The following CCDC148 variants were observed in gnomAD, a reference collection of about 807,000 sequenced individuals.
CCDC148 encodes the protein coiled-coil domain containing 148.
In CCDC148, 89 loss-of-function variants were observed where a neutral mutation model predicts 85.7. That is an observed-to-expected ratio of 1.04 (90% CI 0.87 to 1.24). The LOEUF is 1.24. Ranked by LOEUF, CCDC148 falls within the 50% of genes most tolerant of loss-of-function variation. The pLI is 0.00. For synonymous variants in CCDC148, 230 were observed against 213.9 expected, an observed-to-expected ratio of 1.08 and a Z score of -0.66; for missense variants, 692 against 671.7, an observed-to-expected ratio of 1.03 and a Z score of -0.33.
intron 9 of CCDC148, among the ~76,000 whole-genome samples, chr2:158,303,116 A>G (rs1443047661): frequency 1.3e-5 from 2 of 152,194 alleles, no homozygotes; most frequent in Non-Finnish European, 1.5e-5. Flanking sequence ...TAAAAGACAC[A>G]AATCATCTAA....
chr2:158,226,772 C>A (rs1291876739), intron 10 of CCDC148, among the ~76,000 whole-genome samples: 1 of 152,114 alleles, frequency 6.6e-6, no homozygotes, highest in Non-Finnish European at 1.5e-5. Context: ...ATGCTAAAAA[C>A]TCTCAATAAA....
At chr2:158,427,112 T>C (rs1687113565) in intron 1 of CCDC148, among the ~76,000 whole-genome samples, 1 of 152,204 alleles carries the variant, frequency 6.6e-6, no homozygotes, top group Non-Finnish European at 1.5e-5. Flanking sequence ...AGTGAGAGTT[T>C]ATCTAAAATT....
intron 1 of CCDC148, among the ~76,000 whole-genome samples, chr2:158,378,534 C>T (rs1206628890): frequency 6.6e-6 from 1 of 152,136 alleles, no homozygotes; most frequent in African/African-American, 2.4e-5. Context: ...GTGGATGAAA[C>T]AACCTTATGC....
chr2:158,358,376 T>G, intron 2 of CCDC148, 73 bp downstream of exon 2: 1 of 1,517,222 alleles, frequency 6.6e-7, no homozygotes, highest in Non-Finnish European at 8.9e-7. Flanking sequence ...TATTTTCACA[T>G]TGACAATGTA....
At position 158,340,165 on chromosome 2, in the gene CCDC148, T is replaced by A. The variant is rs1307513550; in HGVS notation, c.486+77A>T. ...AACTAATATACAGGTCACACATGTT[T>A]GTTTCTTATCTCAAACTCTTCTAGT... On this transcript the variant is annotated intron_variant, in intron 5 of 13. Coordinates refer to ENST00000283233, the MANE Select transcript of CCDC148 (RefSeq NM_138803.4). The A allele has an allele frequency of 9.1e-6, 12 of 1,318,526 alleles. No homozygotes were observed. In the Admixed American group the frequency reaches 2.4e-4, roughly 26 times the overall value. 81.7% of individuals were successfully genotyped at this position (1,318,526 alleles called of 1,614,324 possible). A position where few individuals can be genotyped will look rare whatever the true frequency, so the allele number is the denominator to read the frequency against.
chr2:158,355,354 T>A (rs1410798940), intron 2 of CCDC148, among the ~76,000 whole-genome samples: 1 of 152,084 alleles, frequency 6.6e-6, no homozygotes, highest in Admixed American at 6.6e-5. Context: ...CAAAATCTCC[T>A]TAAGCTGATA....
At chr2:158,401,521 A>G (rs111938722) in intron 1 of CCDC148, among the ~76,000 whole-genome samples, 1 of 152,020 alleles carries the variant, frequency 6.6e-6, no homozygotes, top group Non-Finnish European at 1.5e-5. Context: ...AGGGAGGGGA[A>G]CATCACACAC....
chr2:158,287,315 C>T (rs926171509), intron 9 of CCDC148, among the ~76,000 whole-genome samples: 3 of 152,130 alleles, frequency 2.0e-5, no homozygotes, highest in Admixed American at 6.5e-5. Context: ...ACTAATCATG[C>T]CTTTCCAATA....
At chr2:158,359,114 C>G (rs1683810461) in intron 1 of CCDC148, among the ~76,000 whole-genome samples, 1 of 151,988 alleles carries the variant, frequency 6.6e-6, no homozygotes, top group South Asian at 2.1e-4. Context: ...AATCTACATC[C>G]AAATACATAC....
chr2:158,309,513 A>T lies in CCDC148; in HGVS notation c.1030T>A (p.Cys344Ser), dbSNP rs1233850971. ...QKAVLTLTEA[C>S]ATHEMESMLA... The stretch of plus-strand genomic sequence containing the variant: ...ATGCTCTCCATTTCATGTGTTGCAC[A>T]AGCCTCAGTGAGTGTCAGCACAGCC... The change falls in exon 9 of 14, where the codon TGT becomes AGT. Residue 344 changes from cysteine (C) to serine (S), a missense_variant. Physicochemically the swap from Cys to Ser is moderately radical, Grantham distance 112. Coordinates refer to ENST00000283233, the MANE Select transcript of CCDC148 (RefSeq NM_138803.4). The T allele has an allele frequency of 6.2e-7, 1 of 1,614,132 alleles. No individual in the cohort carries two copies. Among genetic ancestry groups the T allele is most frequent in the South Asian group, 1.1e-5 (1 of 91,084 alleles).
intron 10 of CCDC148, among the ~76,000 whole-genome samples, chr2:158,235,212 G>A (rs896698127): frequency 6.6e-6 from 1 of 152,146 alleles, no homozygotes; most frequent in Non-Finnish European, 1.5e-5. Flanking sequence ...TTTTTATAAT[G>A]TCTGGCCAAG....
intron 10 of CCDC148, among the ~76,000 whole-genome samples, chr2:158,244,461 T>C (rs897254532): frequency 6.6e-6 from 1 of 152,116 alleles, no homozygotes; most frequent in Non-Finnish European, 1.5e-5. Flanking sequence ...TCCAATCCCA[T>C]TCATAAAAGT....
rs1170594511 is a variant in CCDC148, at chr2:158,406,417, A to C, written c.26-47847T>G. 2.6e-5 allele frequency among the ~76,000 whole-genome samples: 4 copies of C among 152,128 alleles called. No individual in the cohort carries two copies. The East Asian group carries it at 7.7e-4, about 29-fold the overall frequency. ...TGGGGGGCTGGGCCTGTATGTTTCT[A>C]GTTCAAAATAAAATGTCCTGTGGGC... is the stretch of plus-strand genomic sequence containing the variant. On this transcript the variant is annotated intron_variant, in intron 1 of 13. Coordinates refer to ENST00000283233, the MANE Select transcript of CCDC148 (RefSeq NM_138803.4).
intron 1 of CCDC148, among the ~76,000 whole-genome samples, chr2:158,436,889 A>C (rs1411507422): frequency 1.3e-5 from 2 of 152,220 alleles, no homozygotes; most frequent in Non-Finnish European, 2.9e-5. Context: ...GAAATGGATA[A>C]ATTCCTCGAC....
intron 3 of CCDC148, among the ~76,000 whole-genome samples, chr2:158,344,069 A>C (rs10206695): frequency 0.17 from 25,776 of 152,078 alleles, 3,483 homozygotes; most frequent in African/African-American, 0.38. Flanking sequence ...AAACTTTACC[A>C]AGTGTCTTCC....
At chr2:158,358,338 G>A in intron 2 of CCDC148, 111 bp downstream of exon 2, 2 of 1,303,604 alleles carry the variant, frequency 1.5e-6, no homozygotes, top group African/African-American at 1.5e-5. Context: ...CTACTTGGGA[G>A]TTTCTAACAA....
chr2:158,423,989 T>G (rs140436566), intron 1 of CCDC148, among the ~76,000 whole-genome samples: 22,682 of 152,092 alleles, frequency 0.15, 2,204 homozygotes, highest in Non-Finnish European at 0.21. Flanking sequence ...CTGGCCATCA[T>G]AGAAATGCAA....
intron 1 of CCDC148, among the ~76,000 whole-genome samples, chr2:158,413,193 A>C (rs2105316420): frequency 1.3e-5 from 2 of 152,288 alleles, no homozygotes; most frequent in South Asian, 4.1e-4. Context: ...TAGCATAAAA[A>C]GCAAAATGTT....
At chr2:158,214,368 T>C (rs1686740790) in intron 11 of CCDC148, among the ~76,000 whole-genome samples, 1 of 151,874 alleles carries the variant, frequency 6.6e-6, no homozygotes, top group East Asian at 1.9e-4. Flanking sequence ...TGTTGCAACA[T>C]AAAAAATGAA....
Sources: allele counts gnomAD v4.1 joint callset (sites outside exome capture counted in the v4.1 genomes callset), GRCh38; gene constraint gnomAD v4.1.1; transcripts MANE v1.5; gene names NCBI Gene and HGNC (gene_info 2026-07-23, HGNC 2026-07-21).